NEO1: variants seen among roughly 807,000 people sequenced by gnomAD.
NEO1 encodes neogenin 1.
In NEO1, 63 loss-of-function variants were observed where a neutral mutation model predicts 159.7. That is an observed-to-expected ratio of 0.39 (90% CI 0.32 to 0.49). NEO1 has a LOEUF of 0.49. NEO1 is among the 20% of genes least tolerant of loss of function. The probability of loss-of-function intolerance (pLI) is 0.85; values close to 1 mark genes in which losing one functional copy is unlikely to be tolerated. For missense variants in NEO1, 1,615 were observed against 1,831.0 expected (o/e 0.88, Z 2.15); for synonymous variants, 633 against 662.0 (o/e 0.96, Z 0.67).
chr15:73,200,670 C>CTTTT (rs931779531), intron 7 of NEO1, among the ~76,000 whole-genome samples: 26 of 92,860 alleles, frequency 2.8e-4, no homozygotes, highest in African/African-American at 4.4e-4. Context: ...ATTCCCTTAT[C>CTTTT]TTTTTTTTTT....
chr15:73,096,568 A>G (rs1047437797), intron 1 of NEO1, among the ~76,000 whole-genome samples: 2 of 152,228 alleles, frequency 1.3e-5, no homozygotes, highest in Non-Finnish European at 2.9e-5. Context: ...TGGAGGGCCA[A>G]AGAATGGTAA....
chr15:73,220,532 TG>T (rs1233585736), intron 7 of NEO1, among the ~76,000 whole-genome samples: 2 of 152,244 alleles, frequency 1.3e-5, no homozygotes, highest in East Asian at 3.8e-4. Context: ...TTTTCCAACT[TG>T]GTTCCATTCT....
At chr15:73,145,240 C>T (rs1403832677) in intron 5 of NEO1, among the ~76,000 whole-genome samples, 1 of 152,178 alleles carries the variant, frequency 6.6e-6, no homozygotes, top group East Asian at 1.9e-4. Context: ...ATAAGAAATA[C>T]AGATTAAAGT....
intron 7 of NEO1, among the ~76,000 whole-genome samples, chr15:73,227,758 C>T (rs904830795): frequency 3.3e-5 from 5 of 152,192 alleles, no homozygotes; most frequent in Admixed American, 6.5e-5. Flanking sequence ...ACATACTGTT[C>T]TAAACATAGT....
rs10623352 is a variant in NEO1, at chr15:73,259,370, A to ATT, written c.2203+508_2203+509dup. ...TCTTGTTCTGAGTCTCATTTTACTA[A>ATT]TTTTTTTTTTTTTTTGAAAAGGGAT... On this transcript the variant is annotated intron_variant, in intron 14 of 28. Coordinates refer to ENST00000261908, the MANE Select transcript of NEO1 (RefSeq NM_002499.4). Among the ~76,000 whole-genome samples the ATT allele has an allele frequency of 7.2e-4, 97 of 135,554 alleles. 7 individuals are homozygous for ATT. The highest frequency in any genetic ancestry group is 4.0e-3 in the Middle Eastern group (1 of 250). The allele number at this position is 135,554 out of a possible 152,430, so 88.9% of individuals were successfully genotyped here.
At chr15:73,217,849 A>G (rs1359300986) in intron 7 of NEO1, among the ~76,000 whole-genome samples, 2 of 151,918 alleles carry the variant, frequency 1.3e-5, no homozygotes, top group Admixed American at 1.3e-4. Context: ...GGTTTTCTAG[A>G]TATACAATCA....
intron 25 of NEO1, among the ~76,000 whole-genome samples, chr15:73,291,343 T>TA (rs2042157783): frequency 1.3e-5 from 2 of 152,242 alleles, no homozygotes; most frequent in South Asian, 4.1e-4. Flanking sequence ...GTAAAAAAGA[T>TA]ATGTTGTCCA....
chr15:73,285,026 G>C (rs1411988550), intron 23 of NEO1, among the ~76,000 whole-genome samples: 3 of 151,974 alleles, frequency 2.0e-5, no homozygotes, highest in Admixed American at 2.0e-4. Context: ...TTTTATATCA[G>C]TTTTAGAAAT....
At chr15:73,244,233 G>C (rs1212399909) in intron 8 of NEO1, 111 bp from the exon 9 acceptor site, 4 of 1,230,182 alleles carry the variant, frequency 3.3e-6, no homozygotes, top group Non-Finnish European at 4.4e-6. Flanking sequence ...CATTGTTTGA[G>C]AGCTAATTTG....
chr15:73,224,780 ACCT>A (rs2038482744), intron 7 of NEO1, among the ~76,000 whole-genome samples: 1 of 151,490 alleles, frequency 6.6e-6, no homozygotes, highest in South Asian at 2.1e-4. Flanking sequence ...AACTTAATTA[ACCT>A]CCTGCATTCT....
intron 1 of NEO1, among the ~76,000 whole-genome samples, chr15:73,056,834 G>C (rs529085598): frequency 6.6e-6 from 1 of 152,180 alleles, no homozygotes; most frequent in African/African-American, 2.4e-5. Flanking sequence ...AAAGATCTTT[G>C]ATCTTACTGA....
chr15:73,059,267 A>G (rs1278255255), intron 1 of NEO1, among the ~76,000 whole-genome samples: 1 of 152,130 alleles, frequency 6.6e-6, no homozygotes. Flanking sequence ...GTGGTTATAT[A>G]TGTTTTATTT....
At chr15:73,230,666 C>T (rs1204850750) in intron 7 of NEO1, among the ~76,000 whole-genome samples, 3 of 152,212 alleles carry the variant, frequency 2.0e-5, no homozygotes, top group Non-Finnish European at 4.4e-5. Context: ...TTATGACCCA[C>T]TGCAGCCTCA....
chr15:73,303,651 G>A lies in NEO1; in HGVS notation c.*955G>A, dbSNP rs1208095553. 4 of 152,356 alleles carry A rather than the reference G, an allele frequency of 2.6e-5. No homozygotes were observed. The highest frequency in any genetic ancestry group is 2.9e-5 in the Non-Finnish European group (2 of 68,062). The allele number at this position is 152,356 out of a possible 1,614,324, so 9.4% of individuals were successfully genotyped here. ...TTATTGTCACTACGTTGCAACTGGA[G>A]TTTGATTTGGATCTGGTTTTAAAAT... On this transcript the variant is annotated 3_prime_UTR_variant, in exon 29 of 29. Coordinates refer to ENST00000261908, the MANE Select transcript of NEO1 (RefSeq NM_002499.4).
At chr15:73,167,717 T>C (rs2034672591) in intron 5 of NEO1, among the ~76,000 whole-genome samples, 1 of 152,200 alleles carries the variant, frequency 6.6e-6, no homozygotes, top group African/African-American at 2.4e-5. Flanking sequence ...GTTAAAGAAG[T>C]GGAGCCTATA....
chr15:73,223,620 T>G (rs2038412993), intron 7 of NEO1, among the ~76,000 whole-genome samples: 2 of 150,126 alleles, frequency 1.3e-5, no homozygotes, highest in Admixed American at 1.3e-4. Flanking sequence ...GCTTTTGGTG[T>G]CCATTTGCAT....
intron 26 of NEO1, among the ~76,000 whole-genome samples, chr15:73,295,145 T>TATATATATATATATATATATATATATAA (rs1306550657): frequency 2.2e-5 from 3 of 134,876 alleles, no homozygotes; most frequent in Non-Finnish European, 3.3e-5. Flanking sequence ...TATATATATG[T>TATATATATATATATATATATATATATAA]AAAAATTTGG....
chr15:73,070,793 G>A (rs4777584), intron 1 of NEO1, among the ~76,000 whole-genome samples: 20,087 of 152,120 alleles, frequency 0.13, 2,058 homozygotes, highest in African/African-American at 0.28. Flanking sequence ...CTGTCTCACA[G>A]ATTATCTAAA....
rs28617403 is a variant in NEO1, at chr15:73,276,916, G to A, written c.3194-1215G>A. On this transcript the variant is annotated intron_variant, in intron 21 of 28. Transcript: ENST00000261908. The stretch of plus-strand genomic sequence containing the variant: ...TTTAAAGAGAAGATTATACTCTTTC[G>A]TGAAGATTTTTTATGCTTGTAATAG... 5.5e-3 allele frequency among the ~76,000 whole-genome samples: 842 copies of A among 152,118 alleles called. 9 individuals are homozygous for A. The highest frequency in any genetic ancestry group is 0.019 in the African/African-American group (781 of 41,494).
Sources: gnomAD v4.1 joint callset for allele counts (sites outside exome capture counted in the v4.1 genomes callset) on GRCh38, gnomAD v4.1.1 for gene constraint, MANE v1.5 for transcripts, NCBI Gene and HGNC (gene_info 2026-07-23, HGNC 2026-07-21) for gene names.